ADGRG7: variants seen among roughly 807,000 people sequenced by gnomAD.
ADGRG7 encodes the protein G-protein coupled receptor 128.
A neutral mutation model predicts 88.6 loss-of-function variants in ADGRG7; 82 were observed. The observed-to-expected ratio is 0.93, with a 90% CI of 0.77 to 1.11. The LOEUF is 1.11. ADGRG7 is among the 50% of genes most tolerant of loss of function. The pLI, the probability that ADGRG7 is intolerant of heterozygous loss-of-function variation, is 0.00. For missense variants in ADGRG7, 945 were observed against 953.4 expected, an observed-to-expected ratio of 0.99 and a Z score of 0.12; for synonymous variants, 381 against 345.2, an observed-to-expected ratio of 1.10 and a Z score of -1.15.
At chr3:100,623,706 C>G (rs1242665003) in intron 1 of ADGRG7, among the ~76,000 whole-genome samples, 1 of 152,112 alleles carries the variant, frequency 6.6e-6, no homozygotes, top group African/African-American at 2.4e-5. Context: ...CCCCTTGCCC[C>G]TACTCCCCAA....
intron 1 of ADGRG7, among the ~76,000 whole-genome samples, chr3:100,616,761 C>T (rs1319412653): frequency 6.6e-6 from 1 of 152,164 alleles, no homozygotes; most frequent in Non-Finnish European, 1.5e-5. Flanking sequence ...ATGGAGGCTA[C>T]AGTGAGCTAT....
intron 14 of ADGRG7, among the ~76,000 whole-genome samples, chr3:100,660,333 C>T (rs768878597): frequency 2.2e-4 from 33 of 152,118 alleles, no homozygotes; most frequent in South Asian, 1.4e-3. Flanking sequence ...GAGACAGGGT[C>T]TTGCTCTGCC....
Position 100,637,282 on chromosome 3 carries a change from C to G in ADGRG7, c.598-20C>G. The G allele has an allele frequency of 6.7e-7, 1 of 1,483,690 alleles. No individual in the cohort carries two copies. Among genetic ancestry groups the G allele is most frequent in the South Asian group, 1.1e-5 (1 of 88,212 alleles). 91.9% of individuals were successfully genotyped at this position (1,483,690 alleles called of 1,614,324 possible). On this transcript the variant is annotated intron_variant, in intron 5 of 15. Coordinates refer to ENST00000273352, the MANE Select transcript of ADGRG7 (RefSeq NM_032787.3). ...GTATGATATATGCTTCTCTGATGAT[C>G]AGTATCTTCTCTTTGGCAGGCAAAG... is the stretch of plus-strand genomic sequence containing the variant.
chr3:100,651,081 T>C (rs1006290259), intron 11 of ADGRG7, among the ~76,000 whole-genome samples: 2 of 152,228 alleles, frequency 1.3e-5, no homozygotes, highest in African/African-American at 4.8e-5. Context: ...TTGTTTTCGA[T>C]TCCTTTTCTT....
Position 100,659,743 on chromosome 3 carries a change from T to C in ADGRG7, c.1879T>C (p.Ser627Pro). The part of the protein sequence containing the change: ...NGVIKSPLLW[S>P]FIVPVTIILI... The stretch of plus-strand genomic sequence containing the variant: ...TGTTATAAAAAGTCCGCTGTTGTGG[T>C]CATTCATCGTACCTGTAACCATTAT... Residue 627 changes from serine to proline, a missense_variant, in exon 14 of 16, where the codon TCA becomes CCA. By Grantham distance (74) the Ser-to-Pro change is moderately conservative. Transcript: ENST00000273352. 6.2e-7 allele frequency: 1 copy of C among 1,614,062 alleles called. No homozygotes were observed. The highest frequency in any genetic ancestry group is 8.5e-7 in the Non-Finnish European group (1 of 1,179,960).
chr3:100,611,243 T>TTTTCCTTC (rs200062440), intron 1 of ADGRG7, among the ~76,000 whole-genome samples: 6,079 of 76,210 alleles, frequency 0.08, 306 homozygotes, highest in East Asian at 0.18. Context: ...GTTTGTTTGT[T>TTTTCCTTC]TTTCCTTCCT....
chr3:100,629,539 A>G, intron 1 of ADGRG7, 59 bp from the exon 2 acceptor site: 1 of 1,199,798 alleles, frequency 8.3e-7, no homozygotes, highest in South Asian at 1.3e-5. Context: ...GGCCACAGGC[A>G]TGAAAGGAGA....
rs9861980 is a variant in ADGRG7, at chr3:100,664,545, C to T, written c.1980-4404C>T. Among the ~76,000 whole-genome samples the T allele has an allele frequency of 6.7e-3, 1,016 of 152,240 alleles. 11 individuals carry two copies. Among genetic ancestry groups the T allele is most frequent in the African/African-American group, 0.022 (921 of 41,552 alleles). Reference sequence around the variant, plus strand: ...AAACCAAACAAGATGCAGAACTGATCAATGTACTTGTAATGCAGGTTACAC... The same window carrying T: ...AAACCAAACAAGATGCAGAACTGATTAATGTACTTGTAATGCAGGTTACAC... On this transcript the variant is annotated intron_variant, in intron 14 of 15. Coordinates refer to ENST00000273352, the MANE Select transcript of ADGRG7 (RefSeq NM_032787.3).
chr3:100,620,452 A>T (rs1042098586), intron 1 of ADGRG7, among the ~76,000 whole-genome samples: 3 of 152,222 alleles, frequency 2.0e-5, no homozygotes, highest in African/African-American at 7.2e-5. Flanking sequence ...AGCTAACATC[A>T]TACTGAATGG....
At chr3:100,627,666 A>C (rs1707398243) in intron 1 of ADGRG7, among the ~76,000 whole-genome samples, 1 of 152,130 alleles carries the variant, frequency 6.6e-6, no homozygotes, top group South Asian at 2.1e-4. Flanking sequence ...TTTACGAGTA[A>C]AACTATCTGG....
At chr3:100,659,478 G>A (rs2094942303) in intron 13 of ADGRG7, among the ~76,000 whole-genome samples, 1 of 148,054 alleles carries the variant, frequency 6.8e-6, no homozygotes, top group South Asian at 2.1e-4. Context: ...CCATCAATAG[G>A]AGACAGTTTA....
chr3:100,613,023 G>T (rs1006973510), intron 1 of ADGRG7, among the ~76,000 whole-genome samples: 16 of 152,202 alleles, frequency 1.1e-4, no homozygotes, highest in African/African-American at 3.9e-4. Context: ...CCGAGTAGCT[G>T]GGACTACAGG....
At chr3:100,615,237 C>CT (rs1362383304) in intron 1 of ADGRG7, among the ~76,000 whole-genome samples, 2 of 152,256 alleles carry the variant, frequency 1.3e-5, no homozygotes, top group Admixed American at 6.5e-5. Context: ...ACTAATGTCA[C>CT]TTTTTTTCAA....
intron 15 of ADGRG7, among the ~76,000 whole-genome samples, chr3:100,674,763 G>A (rs1182451666): frequency 6.6e-6 from 1 of 152,042 alleles, no homozygotes; most frequent in African/African-American, 2.4e-5. Flanking sequence ...ATTTTTAGTA[G>A]AGACGGGGTT....
At chr3:100,686,043 C>T (rs1385794976) in intron 15 of ADGRG7, among the ~76,000 whole-genome samples, 3 of 151,200 alleles carry the variant, frequency 2.0e-5, no homozygotes, top group Non-Finnish European at 4.4e-5. Context: ...CCTGTTGTTT[C>T]CTGACTTTTT....
At chr3:100,680,166 C>T (rs1009376575) in intron 15 of ADGRG7, among the ~76,000 whole-genome samples, 1 of 152,142 alleles carries the variant, frequency 6.6e-6, no homozygotes, top group African/African-American at 2.4e-5. Context: ...CTATTAGATG[C>T]ATATACATTT....
At chr3:100,659,073 A>T (rs944701581) in intron 13 of ADGRG7, among the ~76,000 whole-genome samples, 1 of 152,172 alleles carries the variant, frequency 6.6e-6, no homozygotes, top group Non-Finnish European at 1.5e-5. Context: ...CACAAAACAA[A>T]CACAAAACAG....
At position 100,633,265 on chromosome 3, in the gene ADGRG7, C is replaced by T. The variant is rs200895145; in HGVS notation, c.335C>T (p.Ala112Val). 1,248 of 1,416,672 alleles carry T rather than the reference C, an allele frequency of 8.8e-4. 1 individual carries two copies. The highest frequency in any genetic ancestry group is 1.1e-3 in the Non-Finnish European group (1,206 of 1,078,134). The allele number at this position is 1,416,672 out of a possible 1,614,324, so 87.8% of individuals were successfully genotyped here. A position where few individuals can be genotyped will look rare whatever the true frequency, so the allele number is the denominator to read the frequency against. ...AATAAAAAATTTCTTTGTATTAAAG[C>T]GGGCAATCCAATGGCAGTCCGGTTG... Reference protein sequence around the residue: ...LQTCGKDTPNAGNPMAVRLCS... With the variant: ...LQTCGKDTPNVGNPMAVRLCS... The change falls in exon 4 of 16, where the codon GCG (alanine) becomes GTG (valine). Residue 112 changes from alanine (A) to valine (V), a missense_variant and splice_region_variant. By Grantham distance (64) the Ala-to-Val change is moderately conservative (BLOSUM62 0). Coordinates refer to ENST00000273352, the MANE Select transcript of ADGRG7 (RefSeq NM_032787.3).
chr3:100,692,508 C>T lies in ADGRG7; in HGVS notation c.2137-2236C>T, dbSNP rs115251829. Among the ~76,000 whole-genome samples, 1,081 of 152,068 alleles carry T rather than the reference C, an allele frequency of 7.1e-3. 21 individuals carry two copies. Among genetic ancestry groups the T allele is most frequent in the African/African-American group, 0.025 (1,031 of 41,454 alleles). ...AGGGGGAAATTATAAAAGAGAGGTT[C>T]GTAACAAAGTGTTAATGGTAAAATG... On this transcript the variant is annotated intron_variant, in intron 15 of 15. Coordinates refer to ENST00000273352, the MANE Select transcript of ADGRG7 (RefSeq NM_032787.3).
Sources: allele counts gnomAD v4.1 joint callset (sites outside exome capture counted in the v4.1 genomes callset), GRCh38; gene constraint gnomAD v4.1.1; transcripts MANE v1.5; gene names NCBI Gene and HGNC (gene_info 2026-07-23, HGNC 2026-07-21).